USH2A: variants seen among roughly 807,000 people sequenced by gnomAD.
USH2A encodes the protein usherin.
Under a neutral mutation model 538.9 loss-of-function variants are expected in USH2A, and 443 were observed. That is an observed-to-expected ratio of 0.82 (90% CI 0.76 to 0.89). The LOEUF is 0.89. Ranked by LOEUF, USH2A falls within the 40% of genes least tolerant of loss-of-function variation. USH2A has a pLI of 0.00. For synonymous variants in USH2A, 2,413 were observed against 2,273.5 expected, an observed-to-expected ratio of 1.06 and a Z score of -1.75; for missense variants, 6,633 against 6,324.8, an observed-to-expected ratio of 1.05 and a Z score of -1.65.
intron 21 of USH2A, among the ~76,000 whole-genome samples, chr1:216,145,601 T>G (rs1045179267): frequency 6.6e-6 from 1 of 152,212 alleles, no homozygotes; most frequent in Non-Finnish European, 1.5e-5. Context: ...ACAAGTCCTG[T>G]GTCAGGCCTC....
At chr1:215,972,000 T>C (rs1249711442) in intron 35 of USH2A, among the ~76,000 whole-genome samples, 2 of 152,122 alleles carry the variant, frequency 1.3e-5, no homozygotes, top group East Asian at 3.9e-4. Context: ...TGAAAGGTGG[T>C]GAAAAGTACA....
chr1:216,288,867 G>A (rs1204956185), intron 11 of USH2A, among the ~76,000 whole-genome samples: 2 of 152,078 alleles, frequency 1.3e-5, no homozygotes, highest in Non-Finnish European at 2.9e-5. Flanking sequence ...ATTGAGAAGC[G>A]AGGCTATCAT....
At position 215,675,180 on chromosome 1, in the gene USH2A, T is replaced by G. The variant is rs1238995862; in HGVS notation, c.12731A>C (p.Asn4244Thr). The G allele has an allele frequency of 6.2e-7, 1 of 1,614,008 alleles. No individual in the cohort carries two copies. The highest frequency in any genetic ancestry group is 8.5e-7 in the Non-Finnish European group (1 of 1,180,024). ...AGAGCTACAGGTATGCCCAGCTGAA[T>G]TCCAAGTGTAGATTTTATATTCACA... ...TQCEYKIYTW[N>T]SAGHTCSSWN... is the part of the protein sequence containing the mutation. Residue 4244 changes from asparagine to threonine, a missense_variant, in exon 63 of 72, where the codon AAT (asparagine) becomes ACT (threonine). By Grantham distance (65) the Asn-to-Thr change is moderately conservative. Coordinates refer to ENST00000307340, the MANE Select transcript of USH2A (RefSeq NM_206933.4).
intron 32 of USH2A, among the ~76,000 whole-genome samples, chr1:216,011,215 T>G (rs755675524): frequency 3.9e-4 from 60 of 152,184 alleles, no homozygotes; most frequent in South Asian, 8.3e-4. Flanking sequence ...CCTCAATACC[T>G]CCCTCCACAA....
intron 61 of USH2A, among the ~76,000 whole-genome samples, chr1:215,717,830 A>G (rs1328835794): frequency 6.6e-6 from 1 of 152,206 alleles, no homozygotes; most frequent in East Asian, 1.9e-4. Flanking sequence ...GCTGATGTCC[A>G]GTGTAGGTAA....
intron 63 of USH2A, among the ~76,000 whole-genome samples, chr1:215,672,842 T>C (rs546811404): frequency 6.6e-6 from 1 of 152,360 alleles, no homozygotes; most frequent in East Asian, 1.9e-4. Context: ...TTCTCTCACA[T>C]TCTTAAATAT....
intron 21 of USH2A, chr1:216,174,261 T>C: frequency 3.0e-6 from 3 of 984,296 alleles, no homozygotes; most frequent in Non-Finnish European, 3.6e-6. Flanking sequence ...GACTTTCTCA[T>C]GGATGATTAA....
At chr1:215,836,501 A>ATATT (rs1663511064) in intron 47 of USH2A, among the ~76,000 whole-genome samples, 1 of 18,818 alleles carries the variant, frequency 5.3e-5, no homozygotes, top group African/African-American at 2.1e-4. Flanking sequence ...TATATATAAT[A>ATATT]TATATTATAT....
chr1:216,046,359 AGAGCCAACTATATGTATG>A lies in USH2A; in HGVS notation c.6325+54_6325+71del. ...GCAGATATGGAACCCCTGGATATCG[AGAGCCAACTATATGTATG>A]TTTATATTTGAATATAGACTATAAC... On this transcript the variant is annotated intron_variant, in intron 32 of 71. Transcript: ENST00000307340. The A allele has an allele frequency of 1.3e-6, 2 of 1,583,340 alleles. 1 individual carries two copies. Among genetic ancestry groups the A allele is most frequent in the South Asian group, 2.2e-5 (2 of 88,918 alleles).
intron 37 of USH2A, among the ~76,000 whole-genome samples, chr1:215,936,802 A>T (rs920419252): frequency 6.6e-6 from 1 of 152,056 alleles, no homozygotes; most frequent in Non-Finnish European, 1.5e-5. Flanking sequence ...AGCAGCACTA[A>T]TCTCATCCAT....
At chr1:215,799,819 C>T (rs1662268525) in intron 49 of USH2A, among the ~76,000 whole-genome samples, 1 of 151,956 alleles carries the variant, frequency 6.6e-6, no homozygotes, top group South Asian at 2.1e-4. Context: ...AACCCCATCT[C>T]TACTAAAAAT....
At chr1:215,970,087 T>A (rs1409810224) in intron 36 of USH2A, among the ~76,000 whole-genome samples, 1 of 152,140 alleles carries the variant, frequency 6.6e-6, no homozygotes, top group Non-Finnish European at 1.5e-5. Context: ...CAGATATAGA[T>A]TTCTGAAATA....
At chr1:215,758,490 G>A (rs1005583179) in intron 58 of USH2A, 105 bp downstream of exon 58, 10 of 1,402,786 alleles carry the variant, frequency 7.1e-6, no homozygotes, top group Admixed American at 1.8e-5. Context: ...CCAGGAGACC[G>A]ACTATGTCTT....
chr1:216,126,207 T>G (rs1159331062), intron 21 of USH2A, among the ~76,000 whole-genome samples: 1 of 139,790 alleles, frequency 7.2e-6, no homozygotes, highest in Non-Finnish European at 1.6e-5. Flanking sequence ...AGCCGTTGCT[T>G]TTTTTGTTGT....
intron 11 of USH2A, among the ~76,000 whole-genome samples, chr1:216,276,082 A>T (rs2036665119): frequency 6.6e-6 from 1 of 152,154 alleles, no homozygotes; most frequent in African/African-American, 2.4e-5. Flanking sequence ...ATTTCTGCAC[A>T]ACCTCCTTAT....
intron 48 of USH2A, among the ~76,000 whole-genome samples, chr1:215,816,655 C>T (rs991699246): frequency 6.6e-6 from 1 of 151,966 alleles, no homozygotes; most frequent in Non-Finnish European, 1.5e-5. Flanking sequence ...CATAAAATGT[C>T]CTCCTCACAG....
chr1:215,741,056 AGGACT>A (rs1300289441), intron 60 of USH2A, among the ~76,000 whole-genome samples: 2 of 152,106 alleles, frequency 1.3e-5, no homozygotes, highest in Non-Finnish European at 2.9e-5. Flanking sequence ...CCTGCTTTAG[AGGACT>A]GTTCTGCCCC....
intron 3 of USH2A, among the ~76,000 whole-genome samples, chr1:216,410,285 G>A (rs2039465963): frequency 6.6e-6 from 1 of 152,032 alleles, no homozygotes; most frequent in African/African-American, 2.4e-5. Context: ...ACAGAAAACA[G>A]TGTGACAATT....
intron 32 of USH2A, among the ~76,000 whole-genome samples, chr1:216,019,651 T>C (rs1166436086): frequency 6.6e-6 from 1 of 152,160 alleles, no homozygotes; most frequent in Non-Finnish European, 1.5e-5. Context: ...AATTTTGTGA[T>C]AAAATTGTCT....
Sources: allele counts gnomAD v4.1 joint callset (sites outside exome capture counted in the v4.1 genomes callset), GRCh38; gene constraint gnomAD v4.1.1; transcripts MANE v1.5; gene names NCBI Gene and HGNC (gene_info 2026-07-23, HGNC 2026-07-21).